SLC2A13: variants seen among roughly 807,000 people sequenced by gnomAD.
SLC2A13 encodes the protein solute carrier family 2 member 13.
In SLC2A13, 32 loss-of-function variants were observed where a neutral mutation model predicts 64.4. The ratio of observed to expected loss-of-function variants is 0.50; its 90% CI spans 0.37 to 0.67. SLC2A13 has a LOEUF of 0.67. SLC2A13 is among the 30% of genes least tolerant of loss of function. The pLI is 0.00. For missense variants in SLC2A13, 743 were observed against 829.2 expected (o/e 0.90, Z 1.28); for synonymous variants, 338 against 327.1 (o/e 1.03, Z -0.36).
At chr12:39,852,295 T>G (rs1171428724) in intron 6 of SLC2A13, among the ~76,000 whole-genome samples, 2 of 152,232 alleles carry the variant, frequency 1.3e-5, no homozygotes, top group Non-Finnish European at 2.9e-5. Flanking sequence ...TTTCCCTTTA[T>G]GGGCCTAAAG....
intron 3 of SLC2A13, among the ~76,000 whole-genome samples, chr12:40,005,382 T>C (rs574150054): frequency 2.6e-5 from 4 of 152,152 alleles, no homozygotes; most frequent in Admixed American, 1.3e-4. Flanking sequence ...TGGAGGCTCC[T>C]AGTAATGCTT....
intron 1 of SLC2A13, among the ~76,000 whole-genome samples, chr12:40,074,470 T>C (rs938350967): frequency 1.3e-5 from 2 of 152,138 alleles, no homozygotes; most frequent in African/African-American, 4.8e-5. Context: ...CCCAGCCCCA[T>C]ATTCTTCATT....
intron 7 of SLC2A13, among the ~76,000 whole-genome samples, chr12:39,803,067 G>C (rs1215931139): frequency 1.3e-5 from 2 of 152,144 alleles, no homozygotes; most frequent in African/African-American, 4.8e-5. Flanking sequence ...TTTTCAGAAA[G>C]GAGAAGTAAA....
At chr12:39,983,193 A>G (rs1211129333) in intron 3 of SLC2A13, among the ~76,000 whole-genome samples, 3 of 151,248 alleles carry the variant, frequency 2.0e-5, no homozygotes, top group South Asian at 2.1e-4. Flanking sequence ...TGGATTAAAG[A>G]TTTAAACATT....
chr12:39,829,395 TTTTTTTTTTTTTTTTTTTTTC>T (rs1278362201), intron 7 of SLC2A13: 1 of 85,782 alleles, frequency 1.2e-5, no homozygotes, highest in African/African-American at 5.0e-5. Context: ...AGTAATTCTT[TTTTTTTTTTTTTTTTTTTTTC>T]TTTTTTTTGA....
At chr12:39,998,672 A>G (rs1947274074) in intron 3 of SLC2A13, among the ~76,000 whole-genome samples, 1 of 152,218 alleles carries the variant, frequency 6.6e-6, no homozygotes, top group Non-Finnish European at 1.5e-5. Flanking sequence ...TTGATTTTAC[A>G]GGCTCATAGG....
chr12:39,864,800 T>C lies in SLC2A13; in HGVS notation c.1281A>G (p.Ile427Met), dbSNP rs779536465. The C allele has an allele frequency of 6.2e-7, 1 of 1,613,990 alleles. No individual in the cohort carries two copies. The highest frequency in any genetic ancestry group is 1.1e-5 in the South Asian group (1 of 91,078). ...QVSPRITFKP[I>M]APSGQNATCT... ...AAGTGGCGTTCTGACCTGACGGAGC[T>C]ATTGGCTTAAAAGTGATGCGTGGGG... The change falls in exon 6 of 10, where the codon ATA becomes ATG. Residue 427 changes from isoleucine to methionine, a missense_variant. This residue lies in a region of SLC2A13 where 295 missense variants were observed against 381.7 expected (regional missense o/e 0.77). Transcript: ENST00000280871.
intron 6 of SLC2A13, among the ~76,000 whole-genome samples, chr12:39,838,574 A>G (rs921995192): frequency 3.3e-5 from 5 of 151,980 alleles, no homozygotes; most frequent in Non-Finnish European, 5.9e-5. Context: ...GTATTCATAT[A>G]TTTAGAACAA....
intron 7 of SLC2A13, among the ~76,000 whole-genome samples, chr12:39,806,594 G>T (rs1032869177): frequency 6.6e-6 from 1 of 152,200 alleles, no homozygotes. Flanking sequence ...CATAAAGGAA[G>T]TTCCACTGTG....
intron 1 of SLC2A13, among the ~76,000 whole-genome samples, chr12:40,053,657 C>A (rs1458454379): frequency 1.3e-5 from 2 of 152,114 alleles, no homozygotes; most frequent in African/African-American, 4.8e-5. Flanking sequence ...GAGCTTGGAA[C>A]AATTAGTAAG....
intron 2 of SLC2A13, among the ~76,000 whole-genome samples, chr12:40,038,745 G>GA (rs1565600755): frequency 8.8e-6 from 1 of 113,456 alleles, no homozygotes; most frequent in East Asian, 2.5e-4. Context: ...AAAAAAAAAA[G>GA]AAAGAAAAGA....
chr12:40,028,473 T>A lies in SLC2A13; in HGVS notation c.753A>T (p.Ile251=), dbSNP rs544578794. 5 of 1,613,984 alleles carry A rather than the reference T, an allele frequency of 3.1e-6. No homozygotes were observed. The Admixed American group carries it at 8.3e-5, about 27-fold the overall frequency. The change falls in exon 3 of 10, where the codon ATA becomes ATT. Residue 251 remains isoleucine (I), a synonymous_variant. Coordinates refer to ENST00000280871, the MANE Select transcript of SLC2A13 (RefSeq NM_052885.4). ...GCAAAAAGAGAAAGCCAAAAAACTGTATAACCGCCGGAACTGCTGCAAGTC... is the reference window on the plus strand; with the variant it reads ...GCAAAAAGAGAAAGCCAAAAAACTGAATAACCGCCGGAACTGCTGCAAGTC... The part of the protein sequence containing the change: ...MLGLAAVPAV[I]QFFGFLFLPE...
At chr12:39,883,677 G>A (rs1324021123) in intron 4 of SLC2A13, among the ~76,000 whole-genome samples, 2 of 152,138 alleles carry the variant, frequency 1.3e-5, no homozygotes, top group East Asian at 3.8e-4. Flanking sequence ...TGGCCTTAAA[G>A]GTTCACTTGT....
At chr12:40,003,096 G>T (rs183053512) in intron 3 of SLC2A13, among the ~76,000 whole-genome samples, 1 of 152,336 alleles carries the variant, frequency 6.6e-6, no homozygotes, top group East Asian at 1.9e-4. Flanking sequence ...GACTGGGACA[G>T]GGAGAGATGT....
chr12:39,984,937 C>T (rs11564282), intron 3 of SLC2A13, among the ~76,000 whole-genome samples: 1 of 151,874 alleles, frequency 6.6e-6, no homozygotes, highest in Non-Finnish European at 1.5e-5. Context: ...GGGGAAATCA[C>T]CAAGAAGGAA....
intron 4 of SLC2A13, among the ~76,000 whole-genome samples, chr12:39,895,371 T>C (rs1944719166): frequency 6.6e-6 from 1 of 150,494 alleles, no homozygotes; most frequent in African/African-American, 2.4e-5. Flanking sequence ...GCACCTGTAG[T>C]CCCAGCTACT....
chr12:39,842,103 A>C (rs1352663141), intron 6 of SLC2A13, among the ~76,000 whole-genome samples: 1 of 152,094 alleles, frequency 6.6e-6, no homozygotes, highest in African/African-American at 2.4e-5. Context: ...AATGTGGCAG[A>C]GCTGGGGTTC....
chr12:40,011,414 T>C (rs1293587066), intron 3 of SLC2A13, among the ~76,000 whole-genome samples: 1 of 152,226 alleles, frequency 6.6e-6, no homozygotes, highest in Non-Finnish European at 1.5e-5. Flanking sequence ...ATAAACTTTC[T>C]TGGGTCCTTC....
intron 6 of SLC2A13, among the ~76,000 whole-genome samples, chr12:39,835,024 GC>G (rs1444414615): frequency 6.6e-6 from 1 of 151,974 alleles, no homozygotes; most frequent in Admixed American, 6.6e-5. Flanking sequence ...CTTGAACGTG[GC>G]CTGATGAATT....
Sources: gnomAD v4.1 joint callset for allele counts (sites outside exome capture counted in the v4.1 genomes callset) on GRCh38, gnomAD v4.1.1 for gene constraint, gnomAD v4.1.1 regional missense constraint, MANE v1.5 for transcripts, NCBI Gene and HGNC (gene_info 2026-07-23, HGNC 2026-07-21) for gene names.